Variants in RALGAPA1 observed in about 807,000 individuals in gnomAD.
RALGAPA1 encodes ral GTPase-activating protein subunit alpha-1.
In RALGAPA1, 52 loss-of-function variants were observed where a neutral mutation model predicts 269.6. The ratio of observed to expected loss-of-function variants is 0.19; its 90% CI spans 0.15 to 0.24. The LOEUF is 0.24. RALGAPA1 is among the 10% of genes least tolerant of loss of function. RALGAPA1 has a pLI of 1.00. For synonymous variants in RALGAPA1, 817 were observed against 1,008.3 expected, an observed-to-expected ratio of 0.81 and a Z score of 3.60; for missense variants, 1,917 against 3,013.9, an observed-to-expected ratio of 0.64 and a Z score of 8.52.
At chr14:35,547,572 T>A (rs544784406) in intron 41 of RALGAPA1, among the ~76,000 whole-genome samples, 3 of 152,300 alleles carry the variant, frequency 2.0e-5, no homozygotes, top group African/African-American at 7.2e-5. Flanking sequence ...TAATATAATC[T>A]GACATTTTAT....
At chr14:35,793,553 A>AAT (rs2076347671) in intron 1 of RALGAPA1, among the ~76,000 whole-genome samples, 1 of 151,952 alleles carries the variant, frequency 6.6e-6, no homozygotes, top group Admixed American at 6.6e-5. Context: ...CTATTTCTAT[A>AAT]ATGTGTACCT....
chr14:35,562,528 ATAC>A (rs1382184995), intron 39 of RALGAPA1, among the ~76,000 whole-genome samples: 5 of 152,200 alleles, frequency 3.3e-5, no homozygotes, highest in Non-Finnish European at 5.9e-5. Flanking sequence ...TAATAAAAAT[ATAC>A]TACTGATTAA....
At chr14:35,544,675 T>C (rs552063314) in intron 41 of RALGAPA1, among the ~76,000 whole-genome samples, 2 of 152,300 alleles carry the variant, frequency 1.3e-5, no homozygotes, top group South Asian at 2.1e-4. Context: ...GTTCAAAGTA[T>C]CAAATAGAAC....
At chr14:35,574,900 G>A (rs2057443343) in intron 37 of RALGAPA1, among the ~76,000 whole-genome samples, 1 of 152,116 alleles carries the variant, frequency 6.6e-6, no homozygotes, top group Non-Finnish European at 1.5e-5. Context: ...GCTAAGGCGG[G>A]CGAATCACCT....
chr14:35,624,058 G>C (rs1173846977), intron 35 of RALGAPA1, among the ~76,000 whole-genome samples: 1 of 148,548 alleles, frequency 6.7e-6, no homozygotes, highest in African/African-American at 2.5e-5. Context: ...CTGCACTCCA[G>C]CCTGAGCGAC....
chr14:35,794,520 A>G (rs1317546510), intron 1 of RALGAPA1, among the ~76,000 whole-genome samples: 3 of 152,066 alleles, frequency 2.0e-5, no homozygotes, highest in Non-Finnish European at 2.9e-5. Context: ...GCAGTGGCGC[A>G]GTCTCGGCTC....
At chr14:35,753,128 T>C (rs1038872018) in intron 7 of RALGAPA1, among the ~76,000 whole-genome samples, 1 of 152,142 alleles carries the variant, frequency 6.6e-6, no homozygotes, top group Non-Finnish European at 1.5e-5. Context: ...CGAGATGAGC[T>C]TGGAACATCT....
rs1488903281 is a variant in RALGAPA1 at position 35,605,839 on chromosome 14, GA to G, written c.6930-131del. The G allele has an allele frequency of 2.7e-5, 28 of 1,051,224 alleles. 1 individual carries two copies. In the Admixed American group the frequency reaches 9.3e-4, roughly 35 times the overall value. The allele number at this position is 1,051,224 out of a possible 1,614,324, so 65.1% of individuals were successfully genotyped here. On this transcript the variant is annotated intron_variant, in intron 35 of 41. Transcript: ENST00000680220. ...AAAGAATTAGATCTTATAGTCTACAGAAGGAGATATAAATGCAATGTAAGTA... is the reference window on the plus strand; with the variant it reads ...AAAGAATTAGATCTTATAGTCTACAGAGGAGATATAAATGCAATGTAAGTA...
intron 37 of RALGAPA1, among the ~76,000 whole-genome samples, chr14:35,587,307 GT>G (rs1165199501): frequency 6.6e-6 from 1 of 152,184 alleles, no homozygotes; most frequent in East Asian, 1.9e-4. Flanking sequence ...GGAAGACAGT[GT>G]GGCGATTCCT....
intron 17 of RALGAPA1, among the ~76,000 whole-genome samples, chr14:35,697,664 T>G (rs976571703): frequency 4.6e-5 from 7 of 151,894 alleles, no homozygotes; most frequent in African/African-American, 1.7e-4. Flanking sequence ...TTGTTTTTTT[T>G]TTTAACAGGT....
At chr14:35,640,048 AAC>A (rs2061922545) in intron 31 of RALGAPA1, among the ~76,000 whole-genome samples, 1 of 152,148 alleles carries the variant, frequency 6.6e-6, no homozygotes, top group African/African-American at 2.4e-5. Context: ...TGATAATGGA[AAC>A]ACAACATACC....
At chr14:35,594,485 C>T (rs2058816638) in intron 37 of RALGAPA1, among the ~76,000 whole-genome samples, 1 of 151,904 alleles carries the variant, frequency 6.6e-6, no homozygotes, top group African/African-American at 2.4e-5. Context: ...AACATAAAAA[C>T]ATTATTGAGG....
At chr14:35,669,357 C>T (rs1220897873) in intron 26 of RALGAPA1, among the ~76,000 whole-genome samples, 1 of 152,056 alleles carries the variant, frequency 6.6e-6, no homozygotes, top group Non-Finnish European at 1.5e-5. Context: ...TGGGTTCAAG[C>T]GATTCTCCTG....
intron 36 of RALGAPA1, among the ~76,000 whole-genome samples, chr14:35,604,869 G>T (rs536407418): frequency 2.0e-5 from 3 of 152,126 alleles, no homozygotes; most frequent in Non-Finnish European, 2.9e-5. Flanking sequence ...AACATGTCTG[G>T]TACTTCATTT....
intron 16 of RALGAPA1, among the ~76,000 whole-genome samples, chr14:35,704,560 G>C (rs1238157886): frequency 6.6e-6 from 1 of 152,026 alleles, no homozygotes; most frequent in East Asian, 1.9e-4. Flanking sequence ...GAAAATTCTA[G>C]AAAGCAACCA....
intron 10 of RALGAPA1, among the ~76,000 whole-genome samples, chr14:35,748,079 A>C (rs982640904): frequency 6.6e-6 from 1 of 152,052 alleles, no homozygotes; most frequent in Non-Finnish European, 1.5e-5. Context: ...TTTATTAATC[A>C]AATGATAGAA....
At chr14:35,797,872 CT>C (rs145226820) in intron 1 of RALGAPA1, among the ~76,000 whole-genome samples, 7 of 148,656 alleles carry the variant, frequency 4.7e-5, no homozygotes, top group African/African-American at 1.2e-4. Context: ...CTAAAAGAGA[CT>C]TTTTTTTTCT....
intron 12 of RALGAPA1, among the ~76,000 whole-genome samples, chr14:35,729,751 G>C (rs1251425942): frequency 2.0e-5 from 3 of 152,152 alleles, no homozygotes; most frequent in African/African-American, 4.8e-5. Flanking sequence ...ATGTGGAGCA[G>C]AGATTCTCAC....
intron 16 of RALGAPA1, chr14:35,706,619 T>G (rs2067835144): frequency 4.0e-5 from 6 of 149,178 alleles, no homozygotes; most frequent in Admixed American, 4.0e-4. Flanking sequence ...CTTTCCTTTT[T>G]TTTTTTTTTT....
Sources: gnomAD v4.1 joint callset for allele counts (sites outside exome capture counted in the v4.1 genomes callset) on GRCh38, gnomAD v4.1.1 for gene constraint, MANE v1.5 for transcripts, NCBI Gene and HGNC (gene_info 2026-07-23, HGNC 2026-07-21) for gene names.